The following ABCC9 variants were observed in gnomAD, a reference collection of about 807,000 sequenced individuals.
ABCC9 encodes the protein ATP binding cassette subfamily C member 9.
In ABCC9, 95 loss-of-function variants were observed where a neutral mutation model predicts 188.3. That is an observed-to-expected ratio of 0.50 (90% CI 0.43 to 0.60). The LOEUF (loss-of-function observed/expected upper bound fraction) is 0.60, where lower values mean the gene tolerates loss of function less well. ABCC9 is among the 20% of genes least tolerant of loss of function. The pLI, the probability that ABCC9 is intolerant of heterozygous loss-of-function variation, is 0.00. For missense variants in ABCC9, 1,102 were observed against 1,876.3 expected (o/e 0.59, Z 7.62); for synonymous variants, 659 against 652.7 (o/e 1.01, Z -0.15).
chr12:21,933,740 A>G (rs755474848), intron 4 of ABCC9, 42 bp downstream of exon 4: 11 of 1,603,936 alleles, frequency 6.9e-6, no homozygotes, highest in Admixed American at 1.7e-5. Context: ...CAATATACCC[A>G]CTGGTATACT....
At chr12:21,861,850 C>T (rs996349388) in intron 20 of ABCC9, among the ~76,000 whole-genome samples, 11 of 151,990 alleles carry the variant, frequency 7.2e-5, no homozygotes, top group Non-Finnish European at 1.5e-4. Flanking sequence ...GAGTGGGCGC[C>T]CTTCCACACT....
intron 5 of ABCC9, among the ~76,000 whole-genome samples, chr12:21,922,711 A>G (rs542555724): frequency 4.0e-5 from 6 of 150,730 alleles, no homozygotes; most frequent in Admixed American, 4.0e-4. Flanking sequence ...TATAAATTCA[A>G]TGCAATCCCC....
Position 21,908,210 on chromosome 12 carries a change from A to G in ABCC9, c.1322T>C (p.Ile441Thr). ...ATAGAGCAGAATCACGCCCATTATG[A>G]TCTAGAGAGAAAAACACATGGAAAA... ...CPNLWAMPVQ[I>T]IMGVILLYNL... The change falls in exon 11 of 40, where the codon ATC becomes ACC. Residue 441 changes from isoleucine (I) to threonine (T), a missense_variant and splice_region_variant. Physicochemically the swap from Ile to Thr is moderately conservative, Grantham distance 89 (BLOSUM62 -1). Around this residue, in one of 12 missense-constraint regions of ABCC9, gnomAD observed 305 missense variants for 573.0 expected, o/e 0.53. Transcript: ENST00000261200. The G allele has an allele frequency of 6.2e-7, 1 of 1,612,300 alleles. No homozygotes were observed. The highest frequency in any genetic ancestry group is 1.1e-5 in the South Asian group (1 of 91,042).
intron 5 of ABCC9, among the ~76,000 whole-genome samples, chr12:21,922,809 C>A: frequency 7.5e-6 from 1 of 133,944 alleles, no homozygotes; most frequent in African/African-American, 2.9e-5. Context: ...TATAGAAACT[C>A]AAAAGAACTA....
intron 32 of ABCC9, 52 bp from the exon 33 acceptor site, chr12:21,817,359 G>A: frequency 1.3e-6 from 2 of 1,591,318 alleles, no homozygotes; most frequent in Non-Finnish European, 1.7e-6. Context: ...GTAAGAAGTT[G>A]TGGTTAATCA....
At chr12:21,914,723 GAAAAGAC>G (rs1359289794) in intron 7 of ABCC9, among the ~76,000 whole-genome samples, 2 of 152,128 alleles carry the variant, frequency 1.3e-5, no homozygotes, top group African/African-American at 4.8e-5. Flanking sequence ...ATGTCCCAGA[GAAAAGAC>G]AGTACTCACT....
intron 19 of ABCC9, among the ~76,000 whole-genome samples, chr12:21,863,880 T>G (rs2137526105): frequency 6.6e-6 from 1 of 152,222 alleles, no homozygotes; most frequent in African/African-American, 2.4e-5. Flanking sequence ...TTCAATGATC[T>G]TTCTAAAACA....
At chr12:21,873,692 G>C (rs1946191776) in intron 17 of ABCC9, among the ~76,000 whole-genome samples, 2 of 152,040 alleles carry the variant, frequency 1.3e-5, no homozygotes, top group African/African-American at 4.8e-5. Flanking sequence ...AATCAAAACA[G>C]TACGGTACTT....
chr12:21,916,942 C>A lies in ABCC9; in HGVS notation c.568G>T (p.Val190Phe), dbSNP rs1253797690. Reference protein sequence around the residue: ...LMAVEINVIRVRRYVFFMNPQ... With the variant: ...LMAVEINVIRFRRYVFFMNPQ... ...AAAAGCCATTAGCTACCTACCCTGA[C>A]TCGAATGACATTGATCTCCACAGCC... The change falls in exon 6 of 40, where the codon GTC (valine) becomes TTC (phenylalanine). Residue 190 changes from valine to phenylalanine, a missense_variant. Physicochemically the swap from Val to Phe is conservative, Grantham distance 50. Coordinates refer to ENST00000261200, the MANE Select transcript of ABCC9 (RefSeq NM_020297.4). 3.7e-6 allele frequency: 6 copies of A among 1,610,728 alleles called. No individual in the cohort carries two copies. Among genetic ancestry groups the A allele is most frequent in the Non-Finnish European group, 5.1e-6 (6 of 1,178,302 alleles).
In ABCC9 at chr12:21,863,013, C is replaced by G; in HGVS notation, c.2279G>C (p.Trp760Ser). The G allele has an allele frequency of 1.9e-6, 3 of 1,612,296 alleles. No individual in the cohort carries two copies. Among genetic ancestry groups the G allele is most frequent in the Non-Finnish European group, 2.5e-6 (3 of 1,179,250 alleles). ...YSVAYAAQKP[W>S]LLNATVEENI... ...TTCTTCTACTGTAGCATTTAATAGCCAAGGCTTTTGAGCTGCATATGCCAC... is the reference window on the plus strand; with the variant it reads ...TTCTTCTACTGTAGCATTTAATAGCGAAGGCTTTTGAGCTGCATATGCCAC... The change falls in exon 20 of 40, where the codon TGG (tryptophan) becomes TCG (serine). Residue 760 changes from tryptophan (W) to serine (S), a missense_variant. Transcript: ENST00000261200.
intron 16 of ABCC9, among the ~76,000 whole-genome samples, chr12:21,879,408 A>G (rs911223105): frequency 2.0e-5 from 3 of 152,206 alleles, no homozygotes. Context: ...TGAAATATCC[A>G]GAACAGGCAA....
chr12:21,878,712 G>T lies in ABCC9; in HGVS notation c.2020-2986C>A, dbSNP rs1946486456. Among the ~76,000 whole-genome samples the T allele has an allele frequency of 2.0e-5, 3 of 152,172 alleles. No homozygotes were observed. In the South Asian group the frequency reaches 6.2e-4, roughly 32 times the overall value. On this transcript the variant is annotated intron_variant, in intron 16 of 39. Coordinates refer to ENST00000261200, the MANE Select transcript of ABCC9 (RefSeq NM_020297.4). ...ATGAGTGTGACAGGGAAAGGTTATG[G>T]TCTGAAAGTAGCAGGAAAGAACTAA...
At chr12:21,899,275 A>T (rs1947590370) in intron 12 of ABCC9, among the ~76,000 whole-genome samples, 1 of 152,238 alleles carries the variant, frequency 6.6e-6, no homozygotes, top group Non-Finnish European at 1.5e-5. Context: ...ATCTTCGGCC[A>T]ATGCTGTTTG....
At chr12:21,856,948 C>T (rs184558428) in intron 22 of ABCC9, among the ~76,000 whole-genome samples, 196 of 152,262 alleles carry the variant, frequency 1.3e-3, no homozygotes, top group African/African-American at 4.1e-3. Flanking sequence ...GATAAGTTTC[C>T]GCATTTAGCT....
chr12:21,819,009 T>C (rs1474852091), intron 31 of ABCC9, among the ~76,000 whole-genome samples: 1 of 152,200 alleles, frequency 6.6e-6, no homozygotes, highest in Non-Finnish European at 1.5e-5. Flanking sequence ...TTAATGTATT[T>C]AAATAGTGTA....
chr12:21,834,252 A>G (rs1943946777), intron 30 of ABCC9, among the ~76,000 whole-genome samples: 1 of 152,106 alleles, frequency 6.6e-6, no homozygotes, highest in East Asian at 1.9e-4. Context: ...TTTTTTGCCT[A>G]TTACTTAGAT....
chr12:21,875,513 C>T (rs2137601239), intron 17 of ABCC9, 141 bp downstream of exon 17: 7 of 646,774 alleles, frequency 1.1e-5, no homozygotes, highest in South Asian at 3.8e-5. Context: ...CACAGTGGCT[C>T]GCAAGCACAA....
At chr12:21,846,534 A>G (rs1473146590) in intron 25 of ABCC9, among the ~76,000 whole-genome samples, 2 of 152,156 alleles carry the variant, frequency 1.3e-5, no homozygotes, top group Non-Finnish European at 2.9e-5. Flanking sequence ...ATACTATACT[A>G]TATACATATC....
chr12:21,807,638 C>A lies in ABCC9; in HGVS notation c.4316-159G>T, dbSNP rs143833731. On this transcript the variant is annotated intron_variant, in intron 37 of 39. Transcript: ENST00000261200. ...TACTGGAACACAAAGAGGAACTCCA[C>A]TTTGGGAAAATGAAGATGTCCCTAA... Among the ~76,000 whole-genome samples the A allele has an allele frequency of 3.8e-3, 580 of 152,252 alleles. No individual in the cohort carries two copies. The highest frequency in any genetic ancestry group is 0.013 in the African/African-American group (549 of 41,550).
Sources: allele counts gnomAD v4.1 joint callset (sites outside exome capture counted in the v4.1 genomes callset), GRCh38; gene constraint gnomAD v4.1.1; regional missense constraint gnomAD v4.1.1; transcripts MANE v1.5; gene names NCBI Gene and HGNC (gene_info 2026-07-23, HGNC 2026-07-21).